Variants in DGKI observed in about 807,000 individuals in gnomAD.
DGKI encodes diacylglycerol kinase iota.
Under a neutral mutation model 147.5 loss-of-function variants are expected in DGKI, and 55 were observed. That is an observed-to-expected ratio of 0.37 (90% confidence interval 0.30 to 0.47). The LOEUF is 0.47. Among genes scored for constraint, DGKI ranks in the 20% least tolerant of loss-of-function variants. The pLI is 1.00. For synonymous variants in DGKI, 469 were observed against 477.1 expected (o/e 0.98, Z 0.22); for missense variants, 1,007 against 1,323.8 (o/e 0.76, Z 3.71).
At chr7:137,634,901 T>C (rs1234450697) in intron 6 of DGKI, among the ~76,000 whole-genome samples, 4 of 152,256 alleles carry the variant, frequency 2.6e-5, no homozygotes, top group Middle Eastern at 3.4e-3. Flanking sequence ...CAAATTGTCA[T>C]CCCATTTATG....
intron 1 of DGKI, among the ~76,000 whole-genome samples, chr7:137,781,112 TGCAGAA>T (rs1796505041): frequency 6.6e-6 from 1 of 152,206 alleles, no homozygotes; most frequent in Admixed American, 6.5e-5. Flanking sequence ...TCCCAGAGTT[TGCAGAA>T]GCAAAGGGTA....
At chr7:137,722,958 T>C in intron 1 of DGKI, 3 of 582,482 alleles carry the variant, frequency 5.2e-6, no homozygotes, top group Non-Finnish European at 9.0e-6. Flanking sequence ...CTACCATTTA[T>C]TAGTTACCTA....
chr7:137,627,192 A>T (rs542477586), intron 6 of DGKI, among the ~76,000 whole-genome samples: 1 of 152,326 alleles, frequency 6.6e-6, no homozygotes, highest in African/African-American at 2.4e-5. Context: ...TAAAAAATCT[A>T]CAAGAGTCTT....
At chr7:137,681,309 G>A (rs1823228200) in intron 2 of DGKI, among the ~76,000 whole-genome samples, 1 of 152,200 alleles carries the variant, frequency 6.6e-6, no homozygotes, top group Non-Finnish European at 1.5e-5. Flanking sequence ...TCACCTCACA[G>A]TCAACCTTGT....
At chr7:137,487,980 G>A (rs141382049) in intron 21 of DGKI, among the ~76,000 whole-genome samples, 265 of 152,262 alleles carry the variant, frequency 1.7e-3, no homozygotes, top group Non-Finnish European at 3.3e-3. Context: ...TCGCAGTAAC[G>A]ATGGATTGGC....
At chr7:137,412,282 T>G in intron 28 of DGKI, 75 bp from the exon 29 acceptor site, 433 of 1,274,594 alleles carry the variant, frequency 3.4e-4, no homozygotes, top group Non-Finnish European at 4.5e-4. Context: ...GTTGGATCCA[T>G]ATTTTGGATA....
At chr7:137,624,755 C>A (rs980996005) in intron 6 of DGKI, among the ~76,000 whole-genome samples, 1 of 152,008 alleles carries the variant, frequency 6.6e-6, no homozygotes, top group Non-Finnish European at 1.5e-5. Flanking sequence ...CAGGCGCCTG[C>A]CACCACGCCT....
At chr7:137,652,122 T>C (rs921324235) in intron 5 of DGKI, among the ~76,000 whole-genome samples, 1 of 152,268 alleles carries the variant, frequency 6.6e-6, no homozygotes, top group South Asian at 2.1e-4. Flanking sequence ...GGAATGTTTT[T>C]GGGTTTTTTT....
intron 21 of DGKI, among the ~76,000 whole-genome samples, chr7:137,498,201 G>C (rs544770820): frequency 6.6e-6 from 1 of 151,606 alleles, no homozygotes; most frequent in African/African-American, 2.4e-5. Context: ...CATTAGAAAA[G>C]TTAAAAGATA....
chr7:137,708,413 T>C (rs1200845509), intron 1 of DGKI, among the ~76,000 whole-genome samples: 3 of 152,242 alleles, frequency 2.0e-5, no homozygotes, highest in African/African-American at 7.2e-5. Flanking sequence ...AATAATTTTC[T>C]GATCTCAGTC....
intron 15 of DGKI, among the ~76,000 whole-genome samples, chr7:137,579,622 C>T (rs990475934): frequency 2.0e-5 from 3 of 151,924 alleles, no homozygotes; most frequent in Admixed American, 2.0e-4. Context: ...TTTTTACCAC[C>T]TCTATCCCAC....
Position 137,395,584 on chromosome 7 carries a change from A to G in DGKI, c.3057+14T>C, listed in dbSNP as rs746425445. 3.1e-6 allele frequency: 5 copies of G among 1,611,652 alleles called. No individual in the cohort carries two copies. The East Asian group carries it at 6.7e-5, about 22-fold the overall frequency. ...GCCCAGCGGGAGGATGTTTGCACTC[A>G]CTCATCGAGTTACCTTGGAGTCCGT... On this transcript the variant is annotated intron_variant, in intron 32 of 32. Transcript: ENST00000614521.
chr7:137,421,986 T>C (rs1156846567), intron 28 of DGKI, among the ~76,000 whole-genome samples: 2 of 152,204 alleles, frequency 1.3e-5, no homozygotes, highest in African/African-American at 4.8e-5. Flanking sequence ...AATCTCTTTG[T>C]AAATCTCATG....
At chr7:137,712,802 T>C (rs544385190) in intron 1 of DGKI, among the ~76,000 whole-genome samples, 3 of 152,348 alleles carry the variant, frequency 2.0e-5, no homozygotes, top group East Asian at 3.9e-4. Context: ...GTTAGCTGTA[T>C]GATAGACAAT....
At chr7:137,424,575 C>A (rs1214358732) in intron 28 of DGKI, among the ~76,000 whole-genome samples, 1 of 152,152 alleles carries the variant, frequency 6.6e-6, no homozygotes, top group Non-Finnish European at 1.5e-5. Flanking sequence ...CGAGCCAAAG[C>A]AGGGTGAGGC....
At chr7:137,424,096 A>C (rs924543008) in intron 28 of DGKI, among the ~76,000 whole-genome samples, 7 of 152,234 alleles carry the variant, frequency 4.6e-5, no homozygotes, top group African/African-American at 1.7e-4. Context: ...TACTTGGAAG[A>C]ATATAAAAAT....
intron 1 of DGKI, among the ~76,000 whole-genome samples, chr7:137,746,829 A>G (rs1448253678): frequency 1.3e-5 from 2 of 152,072 alleles, no homozygotes; most frequent in East Asian, 3.9e-4. Context: ...ACTCAGCCTT[A>G]TCGTGTCCTG....
chr7:137,689,854 T>C, intron 2 of DGKI, 40 bp downstream of exon 2: 2 of 1,312,658 alleles, frequency 1.5e-6, no homozygotes, highest in South Asian at 1.5e-5. Flanking sequence ...ACACAAAACA[T>C]GCACTGAAGT....
chr7:137,656,413 G>C (rs1405895695), intron 4 of DGKI, 53 bp downstream of exon 4: 38 of 1,590,478 alleles, frequency 2.4e-5, no homozygotes, highest in Non-Finnish European at 2.8e-5. Context: ...CCGGGCCTCT[G>C]AAGACCAAAT....
Sources: gnomAD v4.1 joint callset for allele counts (sites outside exome capture counted in the v4.1 genomes callset) on GRCh38, gnomAD v4.1.1 for gene constraint, MANE v1.5 for transcripts, NCBI Gene and HGNC (gene_info 2026-07-23, HGNC 2026-07-21) for gene names.